Variants in MRAP2 observed in about 807,000 individuals in gnomAD.
The protein encoded by MRAP2 is melanocortin 2 receptor accessory protein 2, also known as melanocortin-2 receptor accessory protein 2.
In MRAP2, 20 loss-of-function variants were observed where a neutral mutation model predicts 17.4. The observed-to-expected ratio is 1.15, with a 90% confidence interval of 0.81 to 1.67. MRAP2 has a LOEUF of 1.67. Among genes scored for constraint, MRAP2 ranks in the 40% most tolerant of loss-of-function variants. The pLI, the probability that MRAP2 is intolerant of heterozygous loss-of-function variation, is 0.00. For missense variants in MRAP2, 238 were observed against 240.0 expected (o/e 0.99, Z 0.05); for synonymous variants, 96 against 88.4 (o/e 1.09, Z -0.48).
chr6:84,091,130 A>T (rs945895099), downstream of MRAP2, among the ~76,000 whole-genome samples: 9 of 149,186 alleles, frequency 6.0e-5, no homozygotes, highest in East Asian at 1.9e-4. Flanking sequence ...AAAGCATGGA[A>T]TTTTTTTGTA....
At chr6:84,097,808 A>G in the MRAP2 span, among the ~76,000 whole-genome samples, 2 of 152,170 alleles carry the variant, frequency 1.3e-5, no homozygotes, top group East Asian at 1.9e-4. Context: ...GACATTGTAT[A>G]TGAAAAATCC....
In MRAP2 at chr6:84,050,020, C is replaced by T. The variant is rs149304868; in HGVS notation, c.-7-5292C>T. 6.2e-3 allele frequency among the ~76,000 whole-genome samples: 915 copies of T among 147,878 alleles called. 5 individuals carry two copies. The highest frequency in any genetic ancestry group is 0.023 in the African/African-American group (880 of 37,704). On this transcript the variant is annotated intron_variant, in intron 1 of 3. Transcript: ENST00000257776. ...TGTACGTGCGTGTAATGTCTCTAGA[C>T]TGAATTGAGTGGCCAGAGCATCAGA...
chr6:84,104,063 T>G, the MRAP2 span, among the ~76,000 whole-genome samples: 3 of 152,204 alleles, frequency 2.0e-5, no homozygotes, highest in Admixed American at 2.0e-4. Flanking sequence ...CAAACTTAAT[T>G]CTTCCAACAA....
chr6:84,085,493 T>TA (rs2129175517), intron 3 of MRAP2, among the ~76,000 whole-genome samples: 1 of 152,328 alleles, frequency 6.6e-6, no homozygotes, highest in African/African-American at 2.4e-5. Flanking sequence ...ACTGGTGTCT[T>TA]ACACAGTGGC....
At chr6:84,107,210 G>A in the MRAP2 span, among the ~76,000 whole-genome samples, 6 of 152,148 alleles carry the variant, frequency 3.9e-5, no homozygotes, top group Non-Finnish European at 7.3e-5. Context: ...TTTGGGTCAT[G>A]TGGTACATGA....
the MRAP2 span, among the ~76,000 whole-genome samples, chr6:84,106,219 G>A: frequency 2.0e-5 from 3 of 152,160 alleles, no homozygotes; most frequent in South Asian, 6.2e-4. Context: ...TTTGGCTTGT[G>A]AAATGATTTT....
the MRAP2 span, among the ~76,000 whole-genome samples, chr6:84,134,609 G>A: frequency 4.6e-3 from 701 of 152,108 alleles, 9 homozygotes; most frequent in African/African-American, 0.016. Context: ...GGAGTTCCCC[G>A]ACCCCTTGCA....
chr6:84,063,332 A>C (rs1339514650), intron 3 of MRAP2: 1 of 985,186 alleles, frequency 1.0e-6, no homozygotes, highest in South Asian at 4.7e-5. Flanking sequence ...ATGATTCACC[A>C]TATTAAAAAC....
chr6:84,079,678 A>C (rs2099498475), intron 3 of MRAP2, among the ~76,000 whole-genome samples: 1 of 152,334 alleles, frequency 6.6e-6, no homozygotes, highest in South Asian at 2.1e-4. Flanking sequence ...TTATTTGGTA[A>C]TAGGGCACTG....
At chr6:84,132,566 T>C in the MRAP2 span, among the ~76,000 whole-genome samples, 2 of 152,180 alleles carry the variant, frequency 1.3e-5, no homozygotes, top group Non-Finnish European at 2.9e-5. Flanking sequence ...TTCTCTAAAC[T>C]TCTCTTCTCA....
the MRAP2 span, among the ~76,000 whole-genome samples, chr6:84,122,889 T>C: frequency 1.3e-5 from 2 of 151,952 alleles, no homozygotes. Context: ...AGTTTCAGGA[T>C]ACAAAATCAA....
the MRAP2 span, among the ~76,000 whole-genome samples, chr6:84,118,350 C>A: frequency 1.1e-3 from 171 of 151,972 alleles, no homozygotes; most frequent in African/African-American, 3.7e-3. Context: ...CTGAACAGCG[C>A]AGTCGTCCAA....
chr6:84,109,300 G>A, the MRAP2 span, among the ~76,000 whole-genome samples: 7 of 152,200 alleles, frequency 4.6e-5, no homozygotes, highest in Admixed American at 6.5e-5. Context: ...CCTCCTATCC[G>A]TGAGCATTGA....
chr6:84,145,400 T>C, the MRAP2 span, among the ~76,000 whole-genome samples: 1 of 152,148 alleles, frequency 6.6e-6, no homozygotes, highest in Non-Finnish European at 1.5e-5. Context: ...TGCTGCACTT[T>C]TTATGCAAAT....
chr6:84,081,792 T>A (rs1284415216), intron 3 of MRAP2, among the ~76,000 whole-genome samples: 1 of 152,176 alleles, frequency 6.6e-6, no homozygotes, highest in Admixed American at 6.5e-5. Context: ...CACTCCAGCT[T>A]GGGTGACATA....
At chr6:84,075,908 G>T (rs1393756895) in intron 3 of MRAP2, among the ~76,000 whole-genome samples, 2 of 152,164 alleles carry the variant, frequency 1.3e-5, no homozygotes, top group African/African-American at 4.8e-5. Flanking sequence ...CAAAAGTTTT[G>T]ATATTGACCA....
the MRAP2 span, chr6:84,126,463 G>A: frequency 1.3e-6 from 2 of 1,578,546 alleles, no homozygotes; most frequent in Non-Finnish European, 1.7e-6. Flanking sequence ...TTTCATCTCT[G>A]GTGTATGGTT....
At chr6:84,084,581 G>A (rs560393021) in intron 3 of MRAP2, among the ~76,000 whole-genome samples, 1 of 152,288 alleles carries the variant, frequency 6.6e-6, no homozygotes, top group East Asian at 1.9e-4. Flanking sequence ...CATTTTGACT[G>A]GAATGCCATA....
intron 3 of MRAP2, among the ~76,000 whole-genome samples, chr6:84,066,815 C>A (rs185294005): frequency 6.6e-6 from 1 of 152,338 alleles, no homozygotes; most frequent in East Asian, 1.9e-4. Flanking sequence ...AACCACTACA[C>A]TCAACTATCT....
Sources: allele counts gnomAD v4.1 joint callset (sites outside exome capture counted in the v4.1 genomes callset), GRCh38; gene constraint gnomAD v4.1.1; transcripts MANE v1.5; gene names NCBI Gene and HGNC (gene_info 2026-07-23, HGNC 2026-07-21).